RADIL: variants seen among roughly 807,000 people sequenced by gnomAD.
RADIL encodes ras-associating and dilute domain-containing protein.
RADIL carries 99 observed loss-of-function variants against 97.6 expected under a neutral mutation model. That is an observed-to-expected ratio of 1.01 (90% CI 0.86 to 1.20). The LOEUF (loss-of-function observed/expected upper bound fraction) is 1.20, where lower values mean the gene tolerates loss of function less well. Ranked by LOEUF, RADIL falls within the 50% of genes most tolerant of loss-of-function variation. The pLI, the probability that RADIL is intolerant of heterozygous loss-of-function variation, is 0.00. For synonymous variants in RADIL, 803 were observed against 691.8 expected (o/e 1.16, Z -2.52); for missense variants, 1,765 against 1,498.9 (o/e 1.18, Z -2.93).
rs1302646660 is a variant in RADIL at position 4,822,877 on chromosome 7, G to A, written c.1455-323C>T. 6.6e-6 allele frequency among the ~76,000 whole-genome samples: 1 copy of A among 152,094 alleles called. No homozygotes were observed. Among genetic ancestry groups the A allele is most frequent in the Non-Finnish European group, 1.5e-5 (1 of 67,976 alleles). ...ATCATAAAGTGGCTGTGAATGCTGA[G>A]AGAATGTGTGCCAATATGTGTGTGT... On this transcript the variant is annotated intron_variant, in intron 5 of 14. Transcript: ENST00000399583. The surrounding 1 kb of genome is among the most constrained non-coding windows in gnomAD (Gnocchi z 5.3).
At chr7:4,861,961 A>G (rs1320428225) in intron 2 of RADIL, 8 of 472,882 alleles carry the variant, frequency 1.7e-5, no homozygotes, top group Non-Finnish European at 2.9e-5. Flanking sequence ...CCGCCGCTTC[A>G]GGAGCTTCTC....
intron 5 of RADIL, among the ~76,000 whole-genome samples, chr7:4,831,474 G>C (rs1783137296): frequency 6.7e-6 from 1 of 150,266 alleles, no homozygotes; most frequent in Non-Finnish European, 1.5e-5. Context: ...TGTACAACAA[G>C]CCCGCACGAC....
rs1783453847 is a variant in RADIL at position 4,842,109 on chromosome 7, C to T, written c.536-5504G>A. ...GAGGCTGGAATAGCAGCGTAGGCCT[C>T]GTAAGGGACCATGGTTTGCAGACAG... is the stretch of plus-strand genomic sequence containing the variant. On this transcript the variant is annotated intron_variant, in intron 2 of 14. Coordinates refer to ENST00000399583, the MANE Select transcript of RADIL (RefSeq NM_018059.5). The surrounding 1 kb of genome is among the most constrained non-coding windows in gnomAD (Gnocchi z 4.5). Among the ~76,000 whole-genome samples, 1 of 151,798 alleles carries T rather than the reference C, an allele frequency of 6.6e-6. No individual in the cohort carries two copies. Among genetic ancestry groups the T allele is most frequent in the Non-Finnish European group, 1.5e-5 (1 of 67,994 alleles).
In RADIL at chr7:4,863,702, C is replaced by G. The variant is rs543354501; in HGVS notation, c.535+13903G>C. On this transcript the variant is annotated intron_variant, in intron 2 of 14. Transcript: ENST00000399583. Reference sequence around the variant, plus strand: ...GAGAGAGAACTTCCTTTGCCATCTCCTTTCACCAGGTAGCAGATTCTTCTT... The same window carrying G: ...GAGAGAGAACTTCCTTTGCCATCTCGTTTCACCAGGTAGCAGATTCTTCTT... Among the ~76,000 whole-genome samples, 10 of 152,364 alleles carry G rather than the reference C, an allele frequency of 6.6e-5. No homozygotes were observed. In the South Asian group the frequency reaches 1.9e-3, roughly 28 times the overall value.
intron 5 of RADIL, 24 bp downstream of exon 5, chr7:4,832,117 G>A (rs1783160448): frequency 1.9e-6 from 3 of 1,604,438 alleles, no homozygotes; most frequent in East Asian, 2.2e-5. Context: ...CCAGAGGCGG[G>A]CACAATAACC....
In RADIL at chr7:4,837,091, G is replaced by A. The variant is rs1044423748; in HGVS notation, c.536-486C>T. Among the ~76,000 whole-genome samples, 8 of 152,138 alleles carry A rather than the reference G, an allele frequency of 5.3e-5. No individual in the cohort carries two copies. Among genetic ancestry groups the A allele is most frequent in the African/African-American group, 1.7e-4 (7 of 41,430 alleles). On this transcript the variant is annotated intron_variant, in intron 2 of 14. Transcript: ENST00000399583. The surrounding 1 kb of genome is among the most constrained non-coding windows in gnomAD (Gnocchi z 5.6). ...ACTCTGCCCTCTAGCCACGCCCCTC[G>A]AAAAACCAGACAGTGCCTTGGCACC...
At chr7:4,846,145 T>A (rs1183532536) in intron 2 of RADIL, among the ~76,000 whole-genome samples, 3 of 134,928 alleles carry the variant, frequency 2.2e-5, no homozygotes, top group South Asian at 2.4e-4. Flanking sequence ...TTTTTTTTTT[T>A]AAAGAGACGG....
At position 4,837,386 on chromosome 7, in the gene RADIL, C is replaced by T. The variant is rs1288700876; in HGVS notation, c.536-781G>A. Among the ~76,000 whole-genome samples the T allele has an allele frequency of 6.6e-6, 1 of 152,190 alleles. No individual in the cohort carries two copies. The highest frequency in any genetic ancestry group is 6.5e-5 in the Admixed American group (1 of 15,284). On this transcript the variant is annotated intron_variant, in intron 2 of 14. Coordinates refer to ENST00000399583, the MANE Select transcript of RADIL (RefSeq NM_018059.5). The surrounding 1 kb of genome is among the most constrained non-coding windows in gnomAD (Gnocchi z 5.6). ...GGGGTGGTGCTCTGACGAGACGAGA[C>T]GGACTGGTCAGCATCCTGCCCCTAC...
Position 4,813,234 on chromosome 7 carries a change from C to G in RADIL, c.2139+2044G>C, listed in dbSNP as rs573054998. ...ACTCAAATGATCCTCCTACCTCAACCTCCCAAGTAGCTGGCACTACAGGCG... is the reference window on the plus strand; with the variant it reads ...ACTCAAATGATCCTCCTACCTCAACGTCCCAAGTAGCTGGCACTACAGGCG... On this transcript the variant is annotated intron_variant, in intron 9 of 14. Transcript: ENST00000399583. This position sits in a 1 kb window ranked among gnomAD's most constrained non-coding sequence, Gnocchi z 5.0. 6.6e-6 allele frequency among the ~76,000 whole-genome samples: 1 copy of G among 152,252 alleles called. No individual in the cohort carries two copies. Among genetic ancestry groups the G allele is most frequent in the Non-Finnish European group, 1.5e-5 (1 of 68,030 alleles).
At chr7:4,805,843 G>A (rs911595838) in intron 9 of RADIL, 127 bp from the exon 10 acceptor site, 243 of 1,413,698 alleles carry the variant, frequency 1.7e-4, no homozygotes, top group Non-Finnish European at 2.1e-4. Flanking sequence ...ACTCCCACCA[G>A]GGGCCATCTG....
chr7:4,873,274 A>C lies in RADIL; in HGVS notation c.535+4331T>G, dbSNP rs1379209880. On this transcript the variant is annotated intron_variant, in intron 2 of 14. Transcript: ENST00000399583. This position sits in a 1 kb window ranked among gnomAD's most constrained non-coding sequence, Gnocchi z 4.3. ...ATAGGAGTAATGGGAAATTATTGAAAAACAGTGTTACAGTGTTGAGCAACC... is the reference window on the plus strand; with the variant it reads ...ATAGGAGTAATGGGAAATTATTGAACAACAGTGTTACAGTGTTGAGCAACC... 6.6e-6 allele frequency among the ~76,000 whole-genome samples: 1 copy of C among 152,114 alleles called. No homozygotes were observed. Among genetic ancestry groups the C allele is most frequent in the Non-Finnish European group, 1.5e-5 (1 of 68,026 alleles).
At chr7:4,820,053 C>T (rs1782787097) in intron 6 of RADIL, among the ~76,000 whole-genome samples, 1 of 152,248 alleles carries the variant, frequency 6.6e-6, no homozygotes, top group South Asian at 2.1e-4. Context: ...TCTCCAGGAA[C>T]ACAGAGCCGA....
chr7:4,846,123 C>CTT lies in RADIL; in HGVS notation c.536-9520_536-9519dup, dbSNP rs548251052. On this transcript the variant is annotated intron_variant, in intron 2 of 14. Transcript: ENST00000399583. ...TCTTTTGTTCCAGAGCTACAATCTTCTTTTTTTTTTTTTTTTTTTTTTAAA... is the reference window on the plus strand; with the variant it reads ...TCTTTTGTTCCAGAGCTACAATCTTCTTTTTTTTTTTTTTTTTTTTTTTTAAA... Among the ~76,000 whole-genome samples, 341 of 143,626 alleles carry CTT rather than the reference C, an allele frequency of 2.4e-3. 6 individuals carry two copies. Among genetic ancestry groups the CTT allele is most frequent in the Admixed American group, 0.02 (283 of 14,044 alleles). The allele number at this position is 143,626 out of a possible 152,430, so 94.2% of individuals were successfully genotyped here.
chr7:4,810,043 T>C (rs1171023847), intron 9 of RADIL, among the ~76,000 whole-genome samples: 1 of 152,100 alleles, frequency 6.6e-6, no homozygotes, highest in East Asian at 1.9e-4. Flanking sequence ...TTAGTAGAGA[T>C]GAGGTTTCAG....
In RADIL at chr7:4,797,844, G is replaced by A. The variant is rs554699923; in HGVS notation, c.*1534C>T. The A allele has an allele frequency of 1.3e-5, 2 of 152,200 alleles. No homozygotes were observed. The highest frequency in any genetic ancestry group is 6.5e-5 in the Admixed American group (1 of 15,286). The allele number at this position is 152,200 out of a possible 1,614,324, so 9.4% of individuals were successfully genotyped here. On this transcript the variant is annotated 3_prime_UTR_variant, in exon 15 of 15. Coordinates refer to ENST00000399583, the MANE Select transcript of RADIL (RefSeq NM_018059.5). ...AAGTACTAAATTAGCCAAGCGTGGT[G>A]GCAGGCGCCTGTAATCCCAGCTACT...
Position 4,822,243 on chromosome 7 carries a change from C to A in RADIL, c.1615+151G>T. The A allele has an allele frequency of 1.9e-6, 2 of 1,053,936 alleles. No homozygotes were observed. Among genetic ancestry groups the A allele is most frequent in the Non-Finnish European group, 1.3e-6 (1 of 754,188 alleles). The allele number at this position is 1,053,936 out of a possible 1,614,324, so 65.3% of individuals were successfully genotyped here. A position where few individuals can be genotyped will look rare whatever the true frequency, so the allele number is the denominator to read the frequency against. Reference sequence around the variant, plus strand: ...AGCCTCACAGGCCGTCCCCGAGCAACTGACACATGGCAGCCTAGGGACTGA... The same window carrying A: ...AGCCTCACAGGCCGTCCCCGAGCAAATGACACATGGCAGCCTAGGGACTGA... On this transcript the variant is annotated intron_variant, in intron 6 of 14. Coordinates refer to ENST00000399583, the MANE Select transcript of RADIL (RefSeq NM_018059.5). The surrounding 1 kb of genome is among the most constrained non-coding windows in gnomAD (Gnocchi z 5.3).
In RADIL at chr7:4,822,508, G is replaced by C; in HGVS notation, c.1501C>G (p.Pro501Ala). ...CAGAAAAGAATGGGCTGCAAGTCTG[G>C]AACCAGATCAGCCATGGCGCAGCTG... Reference protein sequence around the residue: ...LASCAMADLVPDLQPILFWMS... With the variant: ...LASCAMADLVADLQPILFWMS... The change falls in exon 6 of 15, where the codon CCA becomes GCA. Residue 501 changes from proline to alanine, a missense_variant. Pro to Ala is a conservative substitution (Grantham distance 27). Transcript: ENST00000399583. The surrounding 1 kb of genome is among the most constrained non-coding windows in gnomAD (Gnocchi z 5.3). 6.2e-7 allele frequency: 1 copy of C among 1,613,072 alleles called. No homozygotes were observed. The highest frequency in any genetic ancestry group is 1.3e-5 in the African/African-American group (1 of 75,062).
In RADIL at chr7:4,840,666, C is replaced by A. The variant is rs1321653830; in HGVS notation, c.536-4061G>T. ...GAAATAAGTTCAGTGAGAAATACAT[C>A]ATCAAGAAACCACTATTTCTGGCCG... On this transcript the variant is annotated intron_variant, in intron 2 of 14. Coordinates refer to ENST00000399583, the MANE Select transcript of RADIL (RefSeq NM_018059.5). The surrounding 1 kb of genome is among the most constrained non-coding windows in gnomAD (Gnocchi z 5.6). 6.6e-6 allele frequency among the ~76,000 whole-genome samples: 1 copy of A among 152,142 alleles called. No individual in the cohort carries two copies. Among genetic ancestry groups the A allele is most frequent in the Non-Finnish European group, 1.5e-5 (1 of 68,026 alleles).
chr7:4,854,619 G>A lies in RADIL; in HGVS notation c.536-18014C>T, dbSNP rs1439631517. Among the ~76,000 whole-genome samples the A allele has an allele frequency of 4.6e-5, 7 of 152,088 alleles. No homozygotes were observed. The highest frequency in any genetic ancestry group is 7.2e-5 in the African/African-American group (3 of 41,398). On this transcript the variant is annotated intron_variant, in intron 2 of 14. Coordinates refer to ENST00000399583, the MANE Select transcript of RADIL (RefSeq NM_018059.5). The surrounding 1 kb of genome is among the most constrained non-coding windows in gnomAD (Gnocchi z 5.1). ...TGAGACAGGAGAATTACTTGAACCC[G>A]GGAGGCAAAGGTTGCAGTGAGCCGA...
Sources: allele counts gnomAD v4.1 joint callset (sites outside exome capture counted in the v4.1 genomes callset), GRCh38; gene constraint gnomAD v4.1.1; non-coding constraint Gnocchi (gnomAD v3.1); transcripts MANE v1.5; gene names NCBI Gene and HGNC (gene_info 2026-07-23, HGNC 2026-07-21).